The following NCBP1 variants were observed in gnomAD, a reference collection of about 807,000 sequenced individuals.
NCBP1 encodes nuclear cap binding protein subunit 1.
Under a neutral mutation model 111.7 loss-of-function variants are expected in NCBP1, and 16 were observed. The ratio of observed to expected loss-of-function variants is 0.14; its 90% CI spans 0.10 to 0.22. The LOEUF is 0.22. Ranked by LOEUF, NCBP1 falls within the 10% of genes least tolerant of loss-of-function variation. The pLI is 1.00. For missense variants in NCBP1, 607 were observed against 957.5 expected, an observed-to-expected ratio of 0.63 and a Z score of 4.83; for synonymous variants, 304 against 314.3, an observed-to-expected ratio of 0.97 and a Z score of 0.35.
chr9:97,638,433 A>C (rs189236672), intron 1 of NCBP1, among the ~76,000 whole-genome samples: 1 of 152,224 alleles, frequency 6.6e-6, no homozygotes, highest in African/African-American at 2.4e-5. Flanking sequence ...AAGAGGGCCT[A>C]GGAGGGTTGC....
Position 97,671,166 on chromosome 9 carries a change from C to A in NCBP1, c.2340C>A (p.Ala780=). Residue 780 remains alanine, a synonymous_variant, in exon 23 of 23, where the codon GCC becomes GCA. Coordinates refer to ENST00000375147, the MANE Select transcript of NCBP1 (RefSeq NM_002486.5). ...FTAELDPHIL[A]VFQQFCALQA ...CTGAATTAGACCCTCATATCTTGGCCGTGTTCCAGCAGTTCTGTGCCCTGC... is the reference window on the plus strand; with the variant it reads ...CTGAATTAGACCCTCATATCTTGGCAGTGTTCCAGCAGTTCTGTGCCCTGC... The A allele has an allele frequency of 6.2e-7, 1 of 1,613,212 alleles. No homozygotes were observed. Among genetic ancestry groups the A allele is most frequent in the South Asian group, 1.1e-5 (1 of 91,058 alleles).
chr9:97,660,196 C>T (rs1047810986), intron 15 of NCBP1, among the ~76,000 whole-genome samples: 1 of 152,122 alleles, frequency 6.6e-6, no homozygotes, highest in African/African-American at 2.4e-5. Context: ...ATATGACTGT[C>T]CTCACATGAC....
intron 10 of NCBP1, among the ~76,000 whole-genome samples, chr9:97,652,265 G>T (rs2131345474): frequency 6.6e-6 from 1 of 152,350 alleles, no homozygotes; most frequent in South Asian, 2.1e-4. Flanking sequence ...GGCTCCCAAG[G>T]TGCTGGGATT....
chr9:97,635,871 A>T (rs1827008826), intron 1 of NCBP1: 1 of 152,122 alleles, frequency 6.6e-6, no homozygotes, highest in Admixed American at 6.5e-5. Context: ...TAATCCCTAA[A>T]GAGAGAGGAA....
chr9:97,665,685 CA>C (rs1323285201), intron 19 of NCBP1, among the ~76,000 whole-genome samples: 2 of 152,136 alleles, frequency 1.3e-5, no homozygotes, highest in African/African-American at 4.8e-5. Flanking sequence ...TTATTTGGGT[CA>C]AAATTTGTAG....
chr9:97,635,802 A>G (rs1827004919), intron 1 of NCBP1: 1 of 152,174 alleles, frequency 6.6e-6, no homozygotes, highest in Admixed American at 6.5e-5. Flanking sequence ...GGGCTGGAGA[A>G]CTTGAGTCTT....
chr9:97,634,604 G>GT (rs1826942561), intron 1 of NCBP1: 1 of 152,180 alleles, frequency 6.6e-6, no homozygotes, highest in Non-Finnish European at 1.5e-5. Context: ...GTGGAGATCA[G>GT]TGTTGCCTTC....
Position 97,672,715 on chromosome 9 carries a change from AGCCT to A in NCBP1, c.*1519_*1522del, listed in dbSNP as rs562277127. 152 of 179,492 alleles carry A rather than the reference AGCCT, an allele frequency of 8.5e-4. 1 individual carries two copies. The highest frequency in any genetic ancestry group is 3.5e-3 in the African/African-American group (146 of 42,136). 11.1% of individuals were successfully genotyped at this position (179,492 alleles called of 1,614,324 possible). ...GCAAGACCAGCCCCTTGTCTTCCTC[AGCCT>A]GCTCAACGTGAAGATGATGAGGATG... On this transcript the variant is annotated 3_prime_UTR_variant, in exon 23 of 23. Coordinates refer to ENST00000375147, the MANE Select transcript of NCBP1 (RefSeq NM_002486.5).
At chr9:97,649,140 TAAA>T (rs1210446813) in intron 8 of NCBP1, among the ~76,000 whole-genome samples, 1 of 152,218 alleles carries the variant, frequency 6.6e-6, no homozygotes, top group Non-Finnish European at 1.5e-5. Context: ...TATTTTTAAT[TAAA>T]AAATTCCAAA....
In NCBP1 at chr9:97,671,284, C is replaced by A; in HGVS notation, c.*85C>A. 1 of 957,654 alleles carries A rather than the reference C, an allele frequency of 1.0e-6. No individual in the cohort carries two copies. The highest frequency in any genetic ancestry group is 1.6e-6 in the Non-Finnish European group (1 of 627,016). 59.3% of individuals were successfully genotyped at this position (957,654 alleles called of 1,614,324 possible). On this transcript the variant is annotated 3_prime_UTR_variant, in exon 23 of 23. Coordinates refer to ENST00000375147, the MANE Select transcript of NCBP1 (RefSeq NM_002486.5). ...TTTTGATGGTTTGAATGCTTGCTTT[C>A]TTGTAGTATCCTTTCACTTCTTAAA...
At position 97,658,659 on chromosome 9, in the gene NCBP1, A is replaced by G. The variant is rs575725741; in HGVS notation, c.1393A>G (p.Ile465Val). The G allele has an allele frequency of 1.1e-5, 18 of 1,611,536 alleles. No homozygotes were observed. The highest frequency in any genetic ancestry group is 2.7e-5 in the African/African-American group (2 of 74,686). The change falls in exon 15 of 23, where the codon ATA (isoleucine) becomes GTA (valine). Residue 465 changes from isoleucine (I) to valine (V), a missense_variant. Physicochemically the swap from Ile to Val is conservative, Grantham distance 29. Around this residue, in one of 9 missense-constraint regions of NCBP1, gnomAD observed 282 missense variants for 376.5 expected, o/e 0.75. Transcript: ENST00000375147. ...KCMRLSYHQR[I>V]LDIVPPTFSA... Reference sequence around the variant, plus strand: ...TTGTAGGTTGTCTTACCATCAGCGTATATTAGATATTGTTCCTCCTACCTT... The same window carrying G: ...TTGTAGGTTGTCTTACCATCAGCGTGTATTAGATATTGTTCCTCCTACCTT...
intron 10 of NCBP1, among the ~76,000 whole-genome samples, chr9:97,653,405 G>A (rs1264413141): frequency 1.3e-5 from 2 of 152,196 alleles, no homozygotes; most frequent in East Asian, 3.8e-4. Flanking sequence ...ACAGGCGTGA[G>A]CCACTGCGCC....
intron 8 of NCBP1, among the ~76,000 whole-genome samples, chr9:97,649,933 T>TA (rs1446304858): frequency 6.6e-6 from 1 of 152,136 alleles, no homozygotes; most frequent in African/African-American, 2.4e-5. Context: ...AGTTGTTTAT[T>TA]AAAAAACATT....
At chr9:97,640,106 C>T (rs1235343453) in intron 1 of NCBP1, among the ~76,000 whole-genome samples, 3 of 152,092 alleles carry the variant, frequency 2.0e-5, no homozygotes, top group African/African-American at 4.8e-5. Flanking sequence ...TACTGACTGT[C>T]GTTCCCATTA....
At chr9:97,651,085 T>C (rs1268027868) in intron 9 of NCBP1, among the ~76,000 whole-genome samples, 2 of 152,218 alleles carry the variant, frequency 1.3e-5, no homozygotes, top group African/African-American at 4.8e-5. Context: ...TTAGTATTAT[T>C]ACCTAGACTC....
intron 1 of NCBP1, among the ~76,000 whole-genome samples, chr9:97,638,859 G>A (rs1245968111): frequency 6.7e-6 from 1 of 150,236 alleles, no homozygotes; most frequent in Non-Finnish European, 1.5e-5. Context: ...GACCACTGGG[G>A]GCAAAATCTA....
intron 20 of NCBP1, among the ~76,000 whole-genome samples, chr9:97,668,580 C>G (rs1050571616): frequency 3.3e-5 from 5 of 152,046 alleles, no homozygotes; most frequent in African/African-American, 1.2e-4. Context: ...GTAGCCAAGT[C>G]CCCCCATGTT....
At chr9:97,670,287 AG>A (rs1450530286) in intron 22 of NCBP1, among the ~76,000 whole-genome samples, 1 of 152,216 alleles carries the variant, frequency 6.6e-6, no homozygotes, top group Non-Finnish European at 1.5e-5. Flanking sequence ...AAATATCAAG[AG>A]GACAGTAATT....
chr9:97,662,313 C>T (rs1243578053), intron 17 of NCBP1, among the ~76,000 whole-genome samples, 169 bp downstream of exon 17: 2 of 152,086 alleles, frequency 1.3e-5, no homozygotes, highest in Admixed American at 6.6e-5. Context: ...CTAAGGCTTC[C>T]GTCAGTCTGT....
Sources: allele counts gnomAD v4.1 joint callset (sites outside exome capture counted in the v4.1 genomes callset), GRCh38; gene constraint gnomAD v4.1.1; regional missense constraint gnomAD v4.1.1; transcripts MANE v1.5; gene names NCBI Gene and HGNC (gene_info 2026-07-23, HGNC 2026-07-21).